TLN2: variants seen among roughly 807,000 people sequenced by gnomAD.
TLN2 encodes talin 2.
A neutral mutation model predicts 294.7 loss-of-function variants in TLN2; 118 were observed. That is an observed-to-expected ratio of 0.40 (90% CI 0.34 to 0.47). The LOEUF is 0.47. Among genes scored for constraint, TLN2 ranks in the 20% least tolerant of loss-of-function variants. The probability of loss-of-function intolerance (pLI) is 0.84; values close to 1 mark genes in which losing one functional copy is unlikely to be tolerated. For synonymous variants in TLN2, 1,431 were observed against 1,304.5 expected, an observed-to-expected ratio of 1.10 and a Z score of -2.09; for missense variants, 3,083 against 3,282.2, an observed-to-expected ratio of 0.94 and a Z score of 1.48.
At chr15:62,709,680 G>A (rs2059296247) in intron 21 of TLN2, among the ~76,000 whole-genome samples, 1 of 152,014 alleles carries the variant, frequency 6.6e-6, no homozygotes, top group African/African-American at 2.4e-5. Flanking sequence ...CAAAATTCCC[G>A]AAATTCATAA....
chr15:62,537,935 G>A (rs2041455989), intron 1 of TLN2, among the ~76,000 whole-genome samples: 4 of 152,114 alleles, frequency 2.6e-5, no homozygotes, highest in Admixed American at 2.6e-4. Context: ...AAGAGCAGCA[G>A]CCTTGGCTGG....
chr15:62,543,671 C>T (rs1417188747), intron 1 of TLN2, among the ~76,000 whole-genome samples: 1 of 150,580 alleles, frequency 6.6e-6, no homozygotes, highest in Non-Finnish European at 1.5e-5. Context: ...AGAAGAGTTG[C>T]TTGAACCCAG....
chr15:62,657,975 G>A (rs779407324), intron 9 of TLN2, 77 bp downstream of exon 9: 9 of 1,409,748 alleles, frequency 6.4e-6, no homozygotes, highest in African/African-American at 1.4e-5. Flanking sequence ...TTTGAGCTAG[G>A]TGTCTAAGAT....
rs908479664 is a variant in TLN2 at position 62,752,221 on chromosome 15, T to C, written c.4210-84T>C. 2.1e-5 allele frequency: 31 copies of C among 1,510,302 alleles called. No individual in the cohort carries two copies. The African/African-American group carries it at 4.1e-4, about 20-fold the overall frequency. The allele number at this position is 1,510,302 out of a possible 1,614,324, so 93.6% of individuals were successfully genotyped here. ...ATGTTCCAAATTAAGTTGCCTTGAA[T>C]ATTAAAGTTGGAGTGTAGCCTCCTT... On this transcript the variant is annotated intron_variant, in intron 34 of 58. Transcript: ENST00000636159.
intron 1 of TLN2, among the ~76,000 whole-genome samples, chr15:62,393,295 G>A (rs2032251951): frequency 6.6e-6 from 1 of 152,090 alleles, no homozygotes. Context: ...AAGAGAAAGC[G>A]AACTTTTAAC....
At chr15:62,493,192 G>A (rs752662893) in intron 1 of TLN2, among the ~76,000 whole-genome samples, 2 of 152,184 alleles carry the variant, frequency 1.3e-5, no homozygotes, top group South Asian at 2.1e-4. Flanking sequence ...GGGCAAGTAC[G>A]AGTGAGCTTT....
At chr15:62,683,678 T>C (rs2057049151) in intron 11 of TLN2, among the ~76,000 whole-genome samples, 2 of 152,170 alleles carry the variant, frequency 1.3e-5, no homozygotes, top group Non-Finnish European at 2.9e-5. Flanking sequence ...AGCTTCTAGA[T>C]GGCCGTCAAA....
In TLN2 at chr15:62,743,020, G is replaced by A. The variant is rs375210813; in HGVS notation, c.4025+2251G>A. 2.9e-4 allele frequency among the ~76,000 whole-genome samples: 44 copies of A among 152,278 alleles called. No individual in the cohort carries two copies. In the East Asian group the frequency reaches 6.8e-3, roughly 23 times the overall value. On this transcript the variant is annotated intron_variant, in intron 32 of 58. Coordinates refer to ENST00000636159, the MANE Select transcript of TLN2 (RefSeq NM_015059.3). ...CTGAGTGCACACTGTGAATAAGACA[G>A]GGCCTGTCTTATTATGTGTGTCTTT... is the stretch of plus-strand genomic sequence containing the variant.
chr15:62,447,044 TCAAA>T (rs1300162944), intron 1 of TLN2, among the ~76,000 whole-genome samples: 1 of 152,166 alleles, frequency 6.6e-6, no homozygotes, highest in South Asian at 2.1e-4. Flanking sequence ...TCAAACAAAA[TCAAA>T]CAGTTTATTT....
chr15:62,667,818 A>C (rs571529323), intron 9 of TLN2, among the ~76,000 whole-genome samples: 2 of 152,214 alleles, frequency 1.3e-5, no homozygotes, highest in African/African-American at 2.4e-5. Context: ...TAAATTTTAC[A>C]TAAGAAAATG....
At chr15:62,789,312 T>C (rs1207005754) in intron 45 of TLN2, among the ~76,000 whole-genome samples, 1 of 152,162 alleles carries the variant, frequency 6.6e-6, no homozygotes, top group East Asian at 1.9e-4. Context: ...ACCAAAGGCC[T>C]TTGCAGCTGT....
At chr15:62,733,297 C>T (rs1327355031) in intron 28 of TLN2, among the ~76,000 whole-genome samples, 5 of 152,272 alleles carry the variant, frequency 3.3e-5, no homozygotes, top group African/African-American at 1.2e-4. Flanking sequence ...AAGGAGATCA[C>T]TATTCTCCTT....
chr15:62,773,054 A>G (rs1158220160), intron 42 of TLN2, among the ~76,000 whole-genome samples: 2 of 151,758 alleles, frequency 1.3e-5, no homozygotes, highest in East Asian at 2.0e-4. Flanking sequence ...GAACCTCACA[A>G]CCTCAACTTC....
At chr15:62,756,133 G>C (rs2062234810) in intron 37 of TLN2, among the ~76,000 whole-genome samples, 1 of 152,188 alleles carries the variant, frequency 6.6e-6, no homozygotes, top group Admixed American at 6.5e-5. Context: ...GGAAGGAGAA[G>C]GGAATGGGAG....
At chr15:62,712,407 C>A (rs1009281999) in intron 22 of TLN2, among the ~76,000 whole-genome samples, 1 of 152,186 alleles carries the variant, frequency 6.6e-6, no homozygotes, top group African/African-American at 2.4e-5. Flanking sequence ...TTCACCTAAA[C>A]CTATTCTCTT....
intron 54 of TLN2, chr15:62,828,866 A>G (rs1251178313): frequency 6.6e-6 from 1 of 152,230 alleles, no homozygotes; most frequent in Non-Finnish European, 1.5e-5. Flanking sequence ...CATAGGTTGA[A>G]TAAAACACAG....
chr15:62,838,255 C>G (rs2070034242), intron 57 of TLN2: 1 of 152,328 alleles, frequency 6.6e-6, no homozygotes, highest in Non-Finnish European at 1.5e-5. Flanking sequence ...GAGCACCAAC[C>G]ATGGACAGCC....
intron 12 of TLN2, among the ~76,000 whole-genome samples, chr15:62,692,590 G>T (rs2058014190): frequency 6.6e-6 from 1 of 152,146 alleles, no homozygotes; most frequent in African/African-American, 2.4e-5. Context: ...TAGGAAAGAA[G>T]CCCAAGAACT....
chr15:62,773,646 C>A (rs1056904140), intron 42 of TLN2, among the ~76,000 whole-genome samples: 6 of 152,178 alleles, frequency 3.9e-5, no homozygotes, highest in Middle Eastern at 3.4e-3. Context: ...TCCCTGTTTG[C>A]AGAAGAAATA....
Sources: allele counts gnomAD v4.1 joint callset (sites outside exome capture counted in the v4.1 genomes callset), GRCh38; gene constraint gnomAD v4.1.1; transcripts MANE v1.5; gene names NCBI Gene and HGNC (gene_info 2026-07-23, HGNC 2026-07-21).